The following TIMM23B variants were observed in gnomAD, a reference collection of about 807,000 sequenced individuals.
The protein encoded by TIMM23B is translocase of inner mitochondrial membrane 23 homolog B, also known as mitochondrial import inner membrane translocase subunit Tim23B.
In TIMM23B, 27 loss-of-function variants were observed where a neutral mutation model predicts 27.3. The observed-to-expected ratio is 0.99, with a 90% CI of 0.73 to 1.36. The LOEUF (loss-of-function observed/expected upper bound fraction) is 1.36. TIMM23B is among the 40% of genes most tolerant of loss of function. The probability of loss-of-function intolerance (pLI) is 0.00; values close to 1 mark genes in which losing one functional copy is unlikely to be tolerated. For synonymous variants in TIMM23B, 73 were observed against 92.4 expected (o/e 0.79, Z 1.21); for missense variants, 205 against 244.2 (o/e 0.84, Z 1.07).
intron 2 of TIMM23B, among the ~76,000 whole-genome samples, chr10:49,949,634 T>C (rs1445119977): frequency 1.1e-4 from 17 of 151,462 alleles, no homozygotes; most frequent in Admixed American, 7.3e-4. Context: ...TCATGAACAT[T>C]TAATCTTCCA....
At chr10:49,957,780 G>A (rs1479679651) in intron 5 of TIMM23B, among the ~76,000 whole-genome samples, 3 of 152,148 alleles carry the variant, frequency 2.0e-5, no homozygotes, top group African/African-American at 7.2e-5. Flanking sequence ...AAAATTGATT[G>A]GATAGGCATG....
chr10:49,964,575 A>G (rs1381232178), intron 6 of TIMM23B, among the ~76,000 whole-genome samples: 1 of 151,870 alleles, frequency 6.6e-6, no homozygotes, highest in African/African-American at 2.4e-5. Flanking sequence ...AAATGATGAA[A>G]TGAAATAATG....
intron 6 of TIMM23B, among the ~76,000 whole-genome samples, chr10:49,958,681 T>C (rs1229245287): frequency 5.9e-5 from 9 of 152,224 alleles, no homozygotes; most frequent in Non-Finnish European, 1.3e-4. Flanking sequence ...TACAGTACAT[T>C]AGTATTATAG....
chr10:49,952,211 G>A lies in TIMM23B; in HGVS notation c.251G>A (p.Cys84Tyr), dbSNP rs1839554557. ...ELAFFTIGGC[C>Y]MTGAAFGAMN... is the part of the protein sequence containing the mutation. ...GCCTTCTTTACGATTGGAGGGTGTT[G>A]CATGACAGGTGAGTGTTACATACTT... The change falls in exon 3 of 7, where the codon TGC becomes TAC. Residue 84 changes from cysteine to tyrosine, a missense_variant. Transcript: ENST00000651259. 8 of 1,606,022 alleles carry A rather than the reference G, an allele frequency of 5.0e-6. No homozygotes were observed. Among genetic ancestry groups the A allele is most frequent in the East Asian group, 4.5e-5 (2 of 44,850 alleles).
At chr10:49,948,935 C>G (rs61847095) in intron 2 of TIMM23B, among the ~76,000 whole-genome samples, 1 of 152,086 alleles carries the variant, frequency 6.6e-6, no homozygotes, top group African/African-American at 2.4e-5. Flanking sequence ...CTTCCAGACT[C>G]GAGTTGCAGT....
Position 49,974,412 on chromosome 10 carries a change from T to A in TIMM23B, c.*1348T>A, listed in dbSNP as rs1210847709. ...TCTGTTATGCGGATTAAATATCCAC[T>A]ATCCATGTTTTTCCAAGTCTTACAG... On this transcript the variant is annotated 3_prime_UTR_variant, in exon 7 of 7. Transcript: ENST00000651259. 1 of 150,422 alleles carries A rather than the reference T, an allele frequency of 6.6e-6. No individual in the cohort carries two copies. Among genetic ancestry groups the A allele is most frequent in the Non-Finnish European group, 1.5e-5 (1 of 67,644 alleles). 9.3% of individuals were successfully genotyped at this position (150,422 alleles called of 1,614,324 possible).
intron 6 of TIMM23B, among the ~76,000 whole-genome samples, chr10:49,967,648 A>G (rs1188377647): frequency 6.6e-6 from 1 of 152,096 alleles, no homozygotes; most frequent in Non-Finnish European, 1.5e-5. Context: ...TTCTGAGCCA[A>G]GAGCTTTCTT....
intron 1 of TIMM23B, among the ~76,000 whole-genome samples, chr10:49,944,418 TC>T (rs1839290862): frequency 6.6e-6 from 1 of 151,922 alleles, no homozygotes. Flanking sequence ...TACAGAAGGA[TC>T]CAAAGATGAT....
intron 6 of TIMM23B, among the ~76,000 whole-genome samples, chr10:49,964,188 G>GTGAAA (rs560618329): frequency 3.6e-4 from 52 of 142,830 alleles, no homozygotes; most frequent in African/African-American, 1.0e-3. Flanking sequence ...CCATCTTGAA[G>GTGAAA]TGAAATGAAA....
intron 2 of TIMM23B, among the ~76,000 whole-genome samples, chr10:49,947,432 A>T (rs1324804212): frequency 3.3e-5 from 5 of 151,406 alleles, no homozygotes; most frequent in Admixed American, 6.6e-5. Context: ...ACATGGTGAA[A>T]CCCCATCTCT....
intron 2 of TIMM23B, among the ~76,000 whole-genome samples, chr10:49,945,821 A>G (rs1839339078): frequency 6.6e-6 from 1 of 152,180 alleles, no homozygotes; most frequent in Non-Finnish European, 1.5e-5. Context: ...AGAATATAGT[A>G]CAAAGACCAC....
Position 49,954,341 on chromosome 10 carries a change from G to A in TIMM23B, c.345-661G>A, listed in dbSNP as rs1839640676. 6.0e-5 allele frequency: 27 copies of A among 447,504 alleles called. 1 individual carries two copies. The highest frequency in any genetic ancestry group is 4.6e-4 in the South Asian group (26 of 57,056). The allele number at this position is 447,504 out of a possible 1,614,324, so 27.7% of individuals were successfully genotyped here. ...TGGTGGTGTCTGGCACTGGTGCAAG[G>A]CAGAACTGTGCTTCCTTGAGAGTGT... On this transcript the variant is annotated intron_variant, in intron 4 of 6. Coordinates refer to ENST00000651259, the MANE Select transcript of TIMM23B (RefSeq NM_001290117.2).
intron 1 of TIMM23B, among the ~76,000 whole-genome samples, chr10:49,944,589 GAAAT>G (rs1315964718): frequency 6.6e-6 from 1 of 152,012 alleles, no homozygotes; most frequent in African/African-American, 2.4e-5. Context: ...GAACTGCCTT[GAAAT>G]AGTTAGATAC....
At position 49,942,879 on chromosome 10, in the gene TIMM23B, A is replaced by G. The variant is rs1249224067; in HGVS notation, c.106+579A>G. On this transcript the variant is annotated intron_variant, in intron 1 of 6. Transcript: ENST00000651259. The stretch of plus-strand genomic sequence containing the variant: ...ATAGGAAAGGAAATAGGCAACATCA[A>G]GGTATACAGAGGCATAAATATCTTG... 4.3e-3 allele frequency among the ~76,000 whole-genome samples: 653 copies of G among 152,328 alleles called. 9 individuals carry two copies. The highest frequency in any genetic ancestry group is 0.015 in the African/African-American group (631 of 41,576).
chr10:49,942,738 T>C (rs1272674996), intron 1 of TIMM23B, among the ~76,000 whole-genome samples: 6 of 152,206 alleles, frequency 3.9e-5, no homozygotes, highest in Admixed American at 2.0e-4. Context: ...ATATTGCATG[T>C]AAGTGAGAAA....
chr10:49,959,807 G>A (rs1376168328), intron 6 of TIMM23B, among the ~76,000 whole-genome samples: 35 of 151,446 alleles, frequency 2.3e-4, no homozygotes, highest in Middle Eastern at 3.4e-3. Flanking sequence ...GGAGTGCAGT[G>A]GCATGATCTC....
chr10:49,956,426 CGTGTGTGTGTGTGTGTGTGTGTGTGTGT>C (rs1173703740), intron 5 of TIMM23B, among the ~76,000 whole-genome samples: 1 of 113,854 alleles, frequency 8.8e-6, no homozygotes, highest in Non-Finnish European at 2.0e-5. Context: ...ACTAGAAATA[CGTGTGTGTGTGTGTGTGTGTGTGTGTGT>C]GTGTGTGTGT....
intron 1 of TIMM23B, among the ~76,000 whole-genome samples, chr10:49,942,610 G>C (rs1272088234): frequency 0.013 from 1,955 of 152,250 alleles, 39 homozygotes; most frequent in African/African-American, 0.043. Flanking sequence ...TGACCCTTAA[G>C]AGTAGAGCCC....
At chr10:49,970,753 G>C (rs1183613018) in intron 6 of TIMM23B, among the ~76,000 whole-genome samples, 9 of 152,048 alleles carry the variant, frequency 5.9e-5, no homozygotes, top group Admixed American at 1.3e-4. Flanking sequence ...TGGGAGGTGG[G>C]GGGCGCCTCT....
Sources: allele counts gnomAD v4.1 joint callset (sites outside exome capture counted in the v4.1 genomes callset), GRCh38; gene constraint gnomAD v4.1.1; transcripts MANE v1.5; gene names NCBI Gene and HGNC (gene_info 2026-07-23, HGNC 2026-07-21).